Variants in GABBR2 observed in about 807,000 individuals in gnomAD.
GABBR2 encodes G-protein coupled receptor 51.
GABBR2 carries 23 observed loss-of-function variants against 105.6 expected under a neutral mutation model. The ratio of observed to expected loss-of-function variants is 0.22; its 90% CI spans 0.16 to 0.31. The LOEUF (loss-of-function observed/expected upper bound fraction) is 0.31. GABBR2 is among the 10% of genes least tolerant of loss of function. The pLI, the probability that GABBR2 is intolerant of heterozygous loss-of-function variation, is 1.00. For missense variants in GABBR2, 734 were observed against 1,245.5 expected, an observed-to-expected ratio of 0.59 and a Z score of 6.18; for synonymous variants, 478 against 499.7, an observed-to-expected ratio of 0.96 and a Z score of 0.58.
chr9:98,414,892 G>T (rs1832659961), intron 7 of GABBR2, among the ~76,000 whole-genome samples: 1 of 152,172 alleles, frequency 6.6e-6, no homozygotes, highest in African/African-American at 2.4e-5. Flanking sequence ...AGGAACAGTG[G>T]GGACATGAGA....
At chr9:98,519,150 A>G (rs1827818900) in intron 3 of GABBR2, among the ~76,000 whole-genome samples, 1 of 152,178 alleles carries the variant, frequency 6.6e-6, no homozygotes, top group South Asian at 2.1e-4. Flanking sequence ...GGCTGTGAGC[A>G]ACTGAAGGGC....
chr9:98,529,614 A>G (rs1030177225), intron 3 of GABBR2, among the ~76,000 whole-genome samples: 12 of 152,234 alleles, frequency 7.9e-5, no homozygotes, highest in African/African-American at 2.9e-4. Context: ...CCATATTACA[A>G]TTAAAAAACA....
At chr9:98,333,844 T>C (rs1436621539) in intron 13 of GABBR2, among the ~76,000 whole-genome samples, 1 of 152,218 alleles carries the variant, frequency 6.6e-6, no homozygotes, top group Non-Finnish European at 1.5e-5. Context: ...CACTAAGGGC[T>C]ACATGTTGTA....
intron 1 of GABBR2, among the ~76,000 whole-genome samples, chr9:98,674,531 T>A (rs992813448): frequency 6.6e-6 from 1 of 151,994 alleles, no homozygotes; most frequent in Non-Finnish European, 1.5e-5. Flanking sequence ...GCAGGACCTT[T>A]TGTGTTCCAG....
intron 1 of GABBR2, among the ~76,000 whole-genome samples, chr9:98,681,245 T>C (rs1261389974): frequency 7.3e-6 from 1 of 136,444 alleles, no homozygotes; most frequent in Admixed American, 7.5e-5. Context: ...ATATACACCA[T>C]GGAATACTAT....
chr9:98,324,721 C>T (rs928320424), intron 13 of GABBR2, among the ~76,000 whole-genome samples: 5 of 152,096 alleles, frequency 3.3e-5, no homozygotes, highest in Non-Finnish European at 5.9e-5. Flanking sequence ...AGCAGGCCAC[C>T]AGAGAGTGTG....
At chr9:98,690,506 G>A (rs1163565230) in intron 1 of GABBR2, among the ~76,000 whole-genome samples, 1 of 152,152 alleles carries the variant, frequency 6.6e-6, no homozygotes, top group African/African-American at 2.4e-5. Flanking sequence ...ATCCAAATGT[G>A]TAGAGAAGGA....
intron 13 of GABBR2, among the ~76,000 whole-genome samples, chr9:98,358,736 G>T (rs965583085): frequency 6.6e-6 from 1 of 152,210 alleles, no homozygotes; most frequent in African/African-American, 2.4e-5. Flanking sequence ...GGCAGTGGCA[G>T]GGGCGTCATG....
At chr9:98,699,879 A>C (rs772799677) in intron 1 of GABBR2, among the ~76,000 whole-genome samples, 4 of 152,250 alleles carry the variant, frequency 2.6e-5, no homozygotes, top group Admixed American at 2.6e-4. Flanking sequence ...GAGAAGAAGA[A>C]GAAAAGAAAG....
At chr9:98,427,837 A>G (rs1304361394) in intron 7 of GABBR2, among the ~76,000 whole-genome samples, 1 of 151,904 alleles carries the variant, frequency 6.6e-6, no homozygotes, top group African/African-American at 2.4e-5. Flanking sequence ...GGTCCTGAGG[A>G]ACTGAGTCCT....
At chr9:98,438,750 T>C (rs185600467) in intron 7 of GABBR2, among the ~76,000 whole-genome samples, 19 of 152,168 alleles carry the variant, frequency 1.2e-4, no homozygotes, top group Admixed American at 1.1e-3. Flanking sequence ...GGGAATGAGG[T>C]GAAAGGGCAT....
chr9:98,583,398 G>A (rs1391661829), intron 1 of GABBR2, among the ~76,000 whole-genome samples: 2 of 152,216 alleles, frequency 1.3e-5, no homozygotes, highest in Non-Finnish European at 2.9e-5. Flanking sequence ...ATAGGGCAGT[G>A]AAAGAAGCAC....
chr9:98,552,096 A>G (rs1828497096), intron 2 of GABBR2: 2 of 152,352 alleles, frequency 1.3e-5, no homozygotes, highest in South Asian at 4.1e-4. Context: ...GATCTTTATG[A>G]CATTCCAAGG....
intron 7 of GABBR2, among the ~76,000 whole-genome samples, chr9:98,432,997 A>T (rs1029387200): frequency 3.3e-5 from 5 of 152,238 alleles, no homozygotes; most frequent in Admixed American, 6.5e-5. Flanking sequence ...TGTTTCCATT[A>T]CACTGGAGTT....
At chr9:98,312,937 A>C (rs1321900274) in intron 13 of GABBR2, among the ~76,000 whole-genome samples, 27 of 152,034 alleles carry the variant, frequency 1.8e-4, no homozygotes, top group Admixed American at 1.8e-3. Context: ...TTTATTAGAG[A>C]TGGGGTTTCA....
At chr9:98,611,667 T>C (rs1051385977) in intron 1 of GABBR2, among the ~76,000 whole-genome samples, 1 of 152,196 alleles carries the variant, frequency 6.6e-6, no homozygotes, top group African/African-American at 2.4e-5. Context: ...AACGAGAAAG[T>C]GCTCTTCAGA....
chr9:98,642,735 T>C (rs1829980990), intron 1 of GABBR2, among the ~76,000 whole-genome samples: 1 of 152,316 alleles, frequency 6.6e-6, no homozygotes, highest in East Asian at 1.9e-4. Context: ...GAAAATTCTG[T>C]TTTAGGCGTG....
intron 1 of GABBR2, among the ~76,000 whole-genome samples, chr9:98,588,468 T>C (rs1033666965): frequency 6.6e-5 from 10 of 152,252 alleles, no homozygotes; most frequent in Non-Finnish European, 1.3e-4. Context: ...TACATAGCAT[T>C]TGCCTGTGCC....
chr9:98,513,206 T>C (rs1264118931), intron 3 of GABBR2, among the ~76,000 whole-genome samples: 1 of 151,502 alleles, frequency 6.6e-6, no homozygotes, highest in Non-Finnish European at 1.5e-5. Flanking sequence ...TAGCCATATG[T>C]AGAAAGCTGA....
Sources: allele counts gnomAD v4.1 joint callset (sites outside exome capture counted in the v4.1 genomes callset), GRCh38; gene constraint gnomAD v4.1.1; transcripts MANE v1.5; gene names NCBI Gene and HGNC (gene_info 2026-07-23, HGNC 2026-07-21).